The following SCML4 variants were observed in gnomAD, a reference collection of about 807,000 sequenced individuals.
SCML4 encodes the protein sex comb on midleg-like protein 4.
In SCML4, 34 loss-of-function variants were observed where a neutral mutation model predicts 41.1. That is an observed-to-expected ratio of 0.83 (90% CI 0.63 to 1.10). SCML4 has a LOEUF of 1.10. SCML4 is among the 50% of genes least tolerant of loss of function. SCML4 has a pLI of 0.00. For synonymous variants in SCML4, 214 were observed against 220.9 expected, an observed-to-expected ratio of 0.97 and a Z score of 0.28; for missense variants, 522 against 534.1, an observed-to-expected ratio of 0.98 and a Z score of 0.22.
At chr6:107,722,881 A>T (rs974982934) in intron 5 of SCML4, among the ~76,000 whole-genome samples, 2 of 152,204 alleles carry the variant, frequency 1.3e-5, no homozygotes, top group African/African-American at 2.4e-5. Flanking sequence ...CTATCATAAG[A>T]CACTGGAAAA....
chr6:107,761,548 T>C (rs1232536943), intron 2 of SCML4, among the ~76,000 whole-genome samples: 1 of 151,942 alleles, frequency 6.6e-6, no homozygotes, highest in Non-Finnish European at 1.5e-5. Context: ...GTGATTCTCC[T>C]GCCTCAGCCT....
the SCML4 span, among the ~76,000 whole-genome samples, chr6:107,838,911 T>G: frequency 9.9e-5 from 15 of 152,058 alleles, no homozygotes; most frequent in East Asian, 2.9e-3. Flanking sequence ...CATTCAAGAG[T>G]TAAGCCCTCT....
upstream of SCML4, among the ~76,000 whole-genome samples, chr6:107,826,404 G>A (rs565547935): frequency 2.6e-4 from 39 of 152,102 alleles, no homozygotes; most frequent in Non-Finnish European, 4.1e-4. Context: ...ACTCACACCC[G>A]TGGCCTCACA....
the SCML4 span, among the ~76,000 whole-genome samples, chr6:107,839,409 G>GAA: frequency 7.1e-4 from 103 of 144,760 alleles, no homozygotes; most frequent in African/African-American, 2.8e-3. Context: ...AAGAAAGAAA[G>GAA]AGGAAGAAGA....
chr6:107,763,926 T>C (rs1307756870), intron 2 of SCML4, among the ~76,000 whole-genome samples: 2 of 152,214 alleles, frequency 1.3e-5, no homozygotes, highest in African/African-American at 4.8e-5. Context: ...CCTCCCCACC[T>C]CTATTTAAGG....
intron 2 of SCML4, among the ~76,000 whole-genome samples, chr6:107,750,615 AAGTC>A (rs1179244064): frequency 6.6e-6 from 1 of 152,182 alleles, no homozygotes; most frequent in Non-Finnish European, 1.5e-5. Context: ...TAGACCGATT[AAGTC>A]AGTCTCTGGA....
chr6:107,816,745 G>T (rs1784574799), intron 1 of SCML4, among the ~76,000 whole-genome samples: 2 of 152,192 alleles, frequency 1.3e-5, no homozygotes, highest in South Asian at 4.1e-4. Context: ...TCAGAGTACA[G>T]GTTTTTGCTT....
intron 1 of SCML4, among the ~76,000 whole-genome samples, chr6:107,778,236 T>A (rs1462669710): frequency 0.047 from 376 of 7,944 alleles, no homozygotes; most frequent in Admixed American, 0.072. Context: ...TATATATATA[T>A]ATATATATAT....
At chr6:107,707,811 C>T in intron 7 of SCML4, 55 bp downstream of exon 7, 2 of 1,550,124 alleles carry the variant, frequency 1.3e-6, no homozygotes, top group Non-Finnish European at 1.7e-6. Context: ...ACCTCACTCT[C>T]CTTCTGTGCC....
chr6:107,807,579 C>G (rs1783832959), intron 1 of SCML4, among the ~76,000 whole-genome samples: 1 of 152,220 alleles, frequency 6.6e-6, no homozygotes, highest in South Asian at 2.1e-4. Context: ...ATGCTGAACA[C>G]AAATTAACAA....
chr6:107,795,145 CTT>C (rs1782613925), intron 1 of SCML4, among the ~76,000 whole-genome samples: 1 of 152,128 alleles, frequency 6.6e-6, no homozygotes, highest in Admixed American at 6.5e-5. Context: ...ATACATCAAC[CTT>C]TCAATTGGGG....
chr6:107,771,659 G>A (rs1375236807), intron 2 of SCML4, among the ~76,000 whole-genome samples: 2 of 152,166 alleles, frequency 1.3e-5, no homozygotes, highest in African/African-American at 2.4e-5. Context: ...GAATTAACAC[G>A]CTGAATTTTC....
chr6:107,714,889 C>T (rs1180612099), intron 6 of SCML4, among the ~76,000 whole-genome samples: 9 of 150,916 alleles, frequency 6.0e-5, no homozygotes, highest in Non-Finnish European at 1.3e-4. Flanking sequence ...GTCTGGTTTA[C>T]AGTTACTACA....
chr6:107,707,731 G>A (rs1271271330), intron 7 of SCML4, 135 bp downstream of exon 7: 11 of 1,034,424 alleles, frequency 1.1e-5, no homozygotes, highest in Non-Finnish European at 1.6e-5. Context: ...GCTCCCTTGA[G>A]GGTGCCCCTA....
intron 2 of SCML4, among the ~76,000 whole-genome samples, chr6:107,764,313 A>T (rs1381225165): frequency 6.6e-6 from 1 of 152,200 alleles, no homozygotes; most frequent in African/African-American, 2.4e-5. Flanking sequence ...CAAATCTGGG[A>T]TTCTAATTAA....
chr6:107,839,994 C>A, the SCML4 span, among the ~76,000 whole-genome samples: 1 of 151,864 alleles, frequency 6.6e-6, no homozygotes, highest in East Asian at 1.9e-4. Context: ...AAAATGTAAA[C>A]CGAATTTGAC....
chr6:107,842,113 T>C, the SCML4 span, among the ~76,000 whole-genome samples: 2 of 152,218 alleles, frequency 1.3e-5, no homozygotes, highest in Non-Finnish European at 2.9e-5. Flanking sequence ...AAATTAGATA[T>C]AATTTGTTTT....
intron 1 of SCML4, among the ~76,000 whole-genome samples, chr6:107,783,967 C>T (rs1464814454): frequency 6.6e-6 from 1 of 152,204 alleles, no homozygotes; most frequent in Non-Finnish European, 1.5e-5. Flanking sequence ...CTGCCACCTC[C>T]TGCCCCTGCC....
In SCML4 at chr6:107,711,640, C is replaced by G. The variant is rs1050164243; in HGVS notation, c.974-3629G>C. Among the ~76,000 whole-genome samples the G allele has an allele frequency of 3.3e-5, 5 of 152,092 alleles. 1 individual carries two copies. The highest frequency in any genetic ancestry group is 1.2e-4 in the African/African-American group (5 of 41,396). ...AGGACTTGATAAATGTGAGATGAAT[C>G]AATATACTCTGCAGACACAGTCTCG... is the stretch of plus-strand genomic sequence containing the variant. On this transcript the variant is annotated intron_variant, in intron 6 of 7. Transcript: ENST00000369020.
Sources: allele counts gnomAD v4.1 joint callset (sites outside exome capture counted in the v4.1 genomes callset), GRCh38; gene constraint gnomAD v4.1.1; transcripts MANE v1.5; gene names NCBI Gene and HGNC (gene_info 2026-07-23, HGNC 2026-07-21).